CD109: variants seen among roughly 807,000 people sequenced by gnomAD.
CD109 encodes the protein CD109 molecule.
A neutral mutation model predicts 165.8 loss-of-function variants in CD109; 149 were observed. The ratio of observed to expected loss-of-function variants is 0.90; its 90% CI spans 0.79 to 1.03. CD109 has a LOEUF of 1.03. CD109 is among the 50% of genes least tolerant of loss of function. CD109 has a pLI of 0.00. For synonymous variants in CD109, 585 were observed against 592.1 expected (o/e 0.99, Z 0.18); for missense variants, 1,712 against 1,677.8 (o/e 1.02, Z -0.36).
chr6:73,766,202 G>T, intron 11 of CD109, 48 bp downstream of exon 11: 1 of 1,453,526 alleles, frequency 6.9e-7, no homozygotes. Flanking sequence ...CACCATTACA[G>T]TTGTAATCTT....
At chr6:73,762,595 C>T (rs548528226) in intron 8 of CD109, 115 bp downstream of exon 8, 3 of 961,822 alleles carry the variant, frequency 3.1e-6, no homozygotes, top group Non-Finnish European at 4.7e-6. Context: ...CAAGAGCTTT[C>T]CAGCATTGAA....
intron 15 of CD109, 75 bp downstream of exon 15, chr6:73,771,656 A>G (rs1191804790): frequency 9.7e-7 from 1 of 1,027,412 alleles, no homozygotes. Flanking sequence ...ACTACTTTAA[A>G]TATTTAAAGA....
chr6:73,697,704 A>C, intron 2 of CD109, 132 bp downstream of exon 2: 1 of 654,170 alleles, frequency 1.5e-6, no homozygotes, highest in Non-Finnish European at 2.5e-6. Flanking sequence ...TTTAATTCTC[A>C]CTCATGTAAA....
chr6:73,743,787 A>ATGTGGT (rs1436297095), intron 5 of CD109, among the ~76,000 whole-genome samples: 2 of 152,258 alleles, frequency 1.3e-5, no homozygotes, highest in Non-Finnish European at 2.9e-5. Context: ...TCTCTCTGAA[A>ATGTGGT]TGTGGTTGTG....
chr6:73,818,384 T>A lies in CD109; in HGVS notation c.3912-4T>A, dbSNP rs754711555. 4 of 1,613,782 alleles carry A rather than the reference T, an allele frequency of 2.5e-6. No homozygotes were observed. The highest frequency in any genetic ancestry group is 3.4e-6 in the Non-Finnish European group (4 of 1,179,882). ...TTTTCATTCATCCTCCCTCTTTGAT[T>A]TAGCTTTTCGGGCCCGGGTAGGAGT... On this transcript the variant is annotated splice_polypyrimidine_tract_variant and splice_region_variant and intron_variant, in intron 30 of 32. Transcript: ENST00000287097.
chr6:73,755,526 T>C (rs1215583206), intron 5 of CD109, among the ~76,000 whole-genome samples: 1 of 152,216 alleles, frequency 6.6e-6, no homozygotes, highest in Non-Finnish European at 1.5e-5. Context: ...CAAAAGCTAT[T>C]ATTTTATAGC....
At chr6:73,762,556 A>G in intron 8 of CD109, 76 bp downstream of exon 8, 1 of 1,093,604 alleles carries the variant, frequency 9.1e-7, no homozygotes, top group Non-Finnish European at 1.3e-6. Context: ...TTTAGTACTG[A>G]ATTAACAAAA....
At chr6:73,724,388 C>G (rs1772061623) in intron 3 of CD109, among the ~76,000 whole-genome samples, 2 of 152,134 alleles carry the variant, frequency 1.3e-5, no homozygotes, top group Admixed American at 1.3e-4. Context: ...GTGGATGAAT[C>G]TTCCTATAGC....
the CD109 span, among the ~76,000 whole-genome samples, chr6:73,683,674 C>T: frequency 3.3e-5 from 5 of 152,090 alleles, no homozygotes; most frequent in Non-Finnish European, 5.9e-5. Flanking sequence ...AAGACATACC[C>T]GAGACTGGGC....
intron 5 of CD109, among the ~76,000 whole-genome samples, chr6:73,743,513 C>T (rs1188341377): frequency 6.6e-6 from 1 of 152,124 alleles, no homozygotes; most frequent in African/African-American, 2.4e-5. Flanking sequence ...TGAGGGTTGC[C>T]AACACCTTAC....
At chr6:73,821,734 G>A (rs1390911151) in intron 32 of CD109, among the ~76,000 whole-genome samples, 1 of 152,172 alleles carries the variant, frequency 6.6e-6, no homozygotes, top group Non-Finnish European at 1.5e-5. Context: ...TGGGGAGGGA[G>A]AGGGGGAATA....
chr6:73,792,555 A>G (rs1054403273), intron 22 of CD109, 71 bp from the exon 23 acceptor site: 1 of 1,329,286 alleles, frequency 7.5e-7, no homozygotes, highest in African/African-American at 1.4e-5. Context: ...ACTCAGTGGA[A>G]GTCTCTTTGC....
At chr6:73,690,322 G>A in the CD109 span, among the ~76,000 whole-genome samples, 1 of 152,166 alleles carries the variant, frequency 6.6e-6, no homozygotes, top group Non-Finnish European at 1.5e-5. Flanking sequence ...ATTTGTGAAA[G>A]GCGAAGTTTC....
chr6:73,765,744 A>T (rs149470612), intron 10 of CD109, among the ~76,000 whole-genome samples, 186 bp from the exon 11 acceptor site: 1 of 152,198 alleles, frequency 6.6e-6, no homozygotes, highest in African/African-American at 2.4e-5. Flanking sequence ...AAGGGAATCC[A>T]TAATATTAAC....
chr6:73,714,891 A>G (rs6453695), intron 2 of CD109, among the ~76,000 whole-genome samples: 368 of 152,358 alleles, frequency 2.4e-3, no homozygotes, highest in African/African-American at 8.3e-3. Flanking sequence ...AAGTGGTGAT[A>G]GCAACATATA....
rs185655196 is a variant in CD109, at chr6:73,802,389, G to A, written c.2879-831G>A. 5.1e-4 allele frequency among the ~76,000 whole-genome samples: 75 copies of A among 146,722 alleles called. 1 individual carries two copies. Among genetic ancestry groups the A allele is most frequent in the African/African-American group, 1.8e-3 (72 of 39,714 alleles). On this transcript the variant is annotated intron_variant, in intron 23 of 32. Transcript: ENST00000287097. ...TTGGTTTTTTGGTTTACCTCAGTTG[G>A]CCATGGCCCCAAAATTTAAGAGCCA... is the stretch of plus-strand genomic sequence containing the variant.
At chr6:73,796,311 C>T (rs1775162175) in intron 23 of CD109, among the ~76,000 whole-genome samples, 1 of 152,268 alleles carries the variant, frequency 6.6e-6, no homozygotes, top group South Asian at 2.1e-4. Flanking sequence ...TCCTTAGCCT[C>T]ATCTGGAGCT....
rs761282191 is a variant in CD109 at position 73,766,783 on chromosome 6, A to C, written c.1357A>C (p.Ser453Arg). 1 of 1,612,512 alleles carries C rather than the reference A, an allele frequency of 6.2e-7. No homozygotes were observed. The highest frequency in any genetic ancestry group is 1.3e-5 in the African/African-American group (1 of 74,888). The change falls in exon 12 of 33, where the codon AGC (serine) becomes CGC (arginine). Residue 453 changes from serine to arginine, a missense_variant. Transcript: ENST00000287097. ...LKAYFLGSKS[S>R]MAVHSLFKSP... Reference sequence around the variant, plus strand: ...GGCCTATTTCCTTGGTAGTAAAAGTAGCATGGCAGTTCATAGTCTGTTTAA... The same window carrying C: ...GGCCTATTTCCTTGGTAGTAAAAGTCGCATGGCAGTTCATAGTCTGTTTAA...
chr6:73,788,776 A>T (rs1444752678), intron 22 of CD109, among the ~76,000 whole-genome samples, 164 bp downstream of exon 22: 1 of 152,216 alleles, frequency 6.6e-6, no homozygotes, highest in Non-Finnish European at 1.5e-5. Flanking sequence ...CTAGCAAATT[A>T]TGTATCCTAA....
Sources: gnomAD v4.1 joint callset for allele counts (sites outside exome capture counted in the v4.1 genomes callset) on GRCh38, gnomAD v4.1.1 for gene constraint, MANE v1.5 for transcripts, NCBI Gene and HGNC (gene_info 2026-07-23, HGNC 2026-07-21) for gene names.